The following GRIN2A variants were observed in gnomAD, a reference collection of about 807,000 sequenced individuals.
GRIN2A encodes glutamate ionotropic receptor NMDA type subunit 2A.
In GRIN2A, 22 loss-of-function variants were observed where a neutral mutation model predicts 113.4. The ratio of observed to expected loss-of-function variants is 0.19; its 90% CI spans 0.14 to 0.28. The LOEUF is 0.28. Among genes scored for constraint, GRIN2A ranks in the 10% least tolerant of loss-of-function variants. The pLI, the probability that GRIN2A is intolerant of heterozygous loss-of-function variation, is 1.00. For missense variants in GRIN2A, 1,502 were observed against 1,887.0 expected, an observed-to-expected ratio of 0.80 and a Z score of 3.78; for synonymous variants, 827 against 738.4, an observed-to-expected ratio of 1.12 and a Z score of -1.94.
At position 9,944,815 on chromosome 16, in the gene GRIN2A, T is replaced by C. The variant is rs541275377; in HGVS notation, c.415-6264A>G. ...GGAAAGGATCCCATGCTCTATGTAC[T>C]TAAGCAGACCTGCCAGACCTACCAC... On this transcript the variant is annotated intron_variant, in intron 2 of 12. Coordinates refer to ENST00000330684, the MANE Select transcript of GRIN2A (RefSeq NM_001134407.3). Among the ~76,000 whole-genome samples, 21 of 152,298 alleles carry C rather than the reference T, an allele frequency of 1.4e-4. No homozygotes were observed. In the South Asian group the frequency reaches 2.7e-3, roughly 20 times the overall value.
chr16:10,109,896 T>A (rs921324733), intron 2 of GRIN2A, among the ~76,000 whole-genome samples: 108 of 151,836 alleles, frequency 7.1e-4, no homozygotes, highest in African/African-American at 2.5e-3. Flanking sequence ...AAATAAAATT[T>A]TTTTTAATTT....
intron 12 of GRIN2A, 138 bp downstream of exon 12, chr16:9,768,712 CA>C: frequency 1.3e-6 from 1 of 770,262 alleles, no homozygotes; most frequent in Non-Finnish European, 2.4e-6. Flanking sequence ...TATGAATGCA[CA>C]AAATCTGGAT....
intron 10 of GRIN2A, among the ~76,000 whole-genome samples, chr16:9,810,461 T>C (rs1367533741): frequency 6.6e-6 from 1 of 152,176 alleles, no homozygotes; most frequent in Non-Finnish European, 1.5e-5. Flanking sequence ...ATCATGTCTT[T>C]GCAGATATAA....
intron 2 of GRIN2A, among the ~76,000 whole-genome samples, chr16:10,092,444 A>G (rs1039047351): frequency 2.6e-5 from 4 of 152,184 alleles, no homozygotes; most frequent in African/African-American, 9.7e-5. Flanking sequence ...CTGAGGGTGC[A>G]GTGGAAAGAG....
In GRIN2A at chr16:10,180,088, G is replaced by A. The variant is rs762110435; in HGVS notation, c.324C>T (p.Ala108=). Residue 108 remains alanine (A), a synonymous_variant, in exon 2 of 13, where the codon GCC becomes GCT. Transcript: ENST00000330684. The surrounding 1 kb of genome is among the most constrained non-coding windows in gnomAD (Gnocchi z 7.0). ...AGATAAAATCCAGCATCTGGGCTACGGCCTCCTGGTCCGTGTCGTCCCCAA... is the reference window on the plus strand; with the variant it reads ...AGATAAAATCCAGCATCTGGGCTACAGCCTCCTGGTCCGTGTCGTCCCCAA... ...LVFGDDTDQE[A]VAQMLDFISS... is the part of the protein sequence containing the mutation. 20 of 1,614,172 alleles carry A rather than the reference G, an allele frequency of 1.2e-5. 1 individual carries two copies. In the South Asian group the frequency reaches 1.9e-4, roughly 15 times the overall value.
At chr16:10,035,097 C>G (rs1339511199) in intron 2 of GRIN2A, among the ~76,000 whole-genome samples, 1 of 152,148 alleles carries the variant, frequency 6.6e-6, no homozygotes, top group Admixed American at 6.5e-5. Flanking sequence ...ACCATCACAA[C>G]TCACTACAGC....
intron 2 of GRIN2A, among the ~76,000 whole-genome samples, chr16:10,067,616 G>C (rs2047674085): frequency 1.3e-5 from 2 of 152,182 alleles, no homozygotes; most frequent in Admixed American, 1.3e-4. Flanking sequence ...GGGTGAGAAA[G>C]AGTCCAGGAG....
At chr16:10,004,852 A>G (rs976001480) in intron 2 of GRIN2A, among the ~76,000 whole-genome samples, 1 of 152,230 alleles carries the variant, frequency 6.6e-6, no homozygotes. Context: ...GTAAGGTAAC[A>G]TACTCACAAG....
At chr16:9,998,089 T>C (rs1235497242) in intron 2 of GRIN2A, among the ~76,000 whole-genome samples, 1 of 152,228 alleles carries the variant, frequency 6.6e-6, no homozygotes, top group East Asian at 1.9e-4. Flanking sequence ...TTTTGTTCTA[T>C]AACTGTCTGT....
rs186159107 is a variant in GRIN2A at position 10,044,816 on chromosome 16, G to A, written c.415-106265C>T. 9.9e-4 allele frequency among the ~76,000 whole-genome samples: 150 copies of A among 151,970 alleles called. 2 individuals carry two copies. Among genetic ancestry groups the A allele is most frequent in the African/African-American group, 3.6e-3 (148 of 41,436 alleles). On this transcript the variant is annotated intron_variant, in intron 2 of 12. Transcript: ENST00000330684. Reference sequence around the variant, plus strand: ...TCTTTTAGACTGTAAGTTACCAAGGGCAAGAAATTGATTTTTTCACCATTC... The same window carrying A: ...TCTTTTAGACTGTAAGTTACCAAGGACAAGAAATTGATTTTTTCACCATTC...
intron 4 of GRIN2A, among the ~76,000 whole-genome samples, chr16:9,868,212 G>C (rs928625370): frequency 6.6e-6 from 1 of 152,032 alleles, no homozygotes; most frequent in Non-Finnish European, 1.5e-5. Context: ...TGGCCTTCTT[G>C]CTTCTGGTAG....
intron 4 of GRIN2A, among the ~76,000 whole-genome samples, chr16:9,883,382 C>T (rs967279848): frequency 1.3e-5 from 2 of 152,042 alleles, no homozygotes; most frequent in African/African-American, 4.8e-5. Context: ...CTAGTCTAAG[C>T]GAAGATGAAT....
At chr16:9,786,968 G>A (rs1279640670) in intron 11 of GRIN2A, among the ~76,000 whole-genome samples, 1 of 152,148 alleles carries the variant, frequency 6.6e-6, no homozygotes, top group Non-Finnish European at 1.5e-5. Flanking sequence ...TTGTCAGAGG[G>A]GTTTTATTCC....
At chr16:9,970,401 T>C (rs1394959842) in intron 2 of GRIN2A, among the ~76,000 whole-genome samples, 4 of 152,182 alleles carry the variant, frequency 2.6e-5, no homozygotes, top group Non-Finnish European at 2.9e-5. Flanking sequence ...TAGAGACCAA[T>C]GCAGGAAAAT....
chr16:9,941,537 C>A (rs1818664913), intron 2 of GRIN2A, among the ~76,000 whole-genome samples: 1 of 152,206 alleles, frequency 6.6e-6, no homozygotes, highest in East Asian at 1.9e-4. Flanking sequence ...TGCCAAACTT[C>A]AGCCCAAGCT....
chr16:9,840,919 A>G lies in GRIN2A; in HGVS notation c.1497+17T>C. The G allele has an allele frequency of 6.2e-7, 1 of 1,612,976 alleles. No homozygotes were observed. Among genetic ancestry groups the G allele is most frequent in the Non-Finnish European group, 8.5e-7 (1 of 1,179,276 alleles). ...CTTTGTCTGAGTAAGAGCCTAGGGG[A>G]TGAAAAGATAACTTACTTCACCGAT... On this transcript the variant is annotated intron_variant, in intron 6 of 12. Transcript: ENST00000330684.
chr16:9,946,702 C>G (rs1857934538), intron 2 of GRIN2A, among the ~76,000 whole-genome samples: 1 of 152,142 alleles, frequency 6.6e-6, no homozygotes, highest in Non-Finnish European at 1.5e-5. Context: ...ATCAGAGTGG[C>G]TTTCTGGATT....
At chr16:10,127,881 T>C (rs1389427234) in intron 2 of GRIN2A, among the ~76,000 whole-genome samples, 1 of 137,004 alleles carries the variant, frequency 7.3e-6, no homozygotes, top group Non-Finnish European at 1.6e-5. Context: ...GGGAATGTCA[T>C]GCCTGGATAG....
At chr16:10,174,706 T>C (rs2050109412) in intron 2 of GRIN2A, among the ~76,000 whole-genome samples, 1 of 151,556 alleles carries the variant, frequency 6.6e-6, no homozygotes, top group Non-Finnish European at 1.5e-5. Flanking sequence ...ACTCAACAGA[T>C]AGTCAAAATA....
Sources: gnomAD v4.1 joint callset for allele counts (sites outside exome capture counted in the v4.1 genomes callset) on GRCh38, gnomAD v4.1.1 for gene constraint, Gnocchi (gnomAD v3.1) non-coding constraint, MANE v1.5 for transcripts, NCBI Gene and HGNC (gene_info 2026-07-23, HGNC 2026-07-21) for gene names.